SH3RF2: variants seen among roughly 807,000 people sequenced by gnomAD.
SH3RF2 encodes the protein SH3 domain containing ring finger 2.
SH3RF2 carries 43 observed loss-of-function variants against 59.0 expected under a neutral mutation model. The observed-to-expected ratio is 0.73, with a 90% CI of 0.57 to 0.94. The LOEUF (loss-of-function observed/expected upper bound fraction) is 0.94. SH3RF2 is among the 40% of genes least tolerant of loss of function. The pLI, the probability that SH3RF2 is intolerant of heterozygous loss-of-function variation, is 0.00. For synonymous variants in SH3RF2, 391 were observed against 391.5 expected, an observed-to-expected ratio of 1.00 and a Z score of 0.01; for missense variants, 930 against 940.1, an observed-to-expected ratio of 0.99 and a Z score of 0.14.
chr5:145,985,963 T>C (rs1399982986), intron 2 of SH3RF2, among the ~76,000 whole-genome samples: 1 of 151,916 alleles, frequency 6.6e-6, no homozygotes, highest in African/African-American at 2.4e-5. Flanking sequence ...ATGATTGCAC[T>C]GCTGCACTCC....
chr5:145,983,309 C>A (rs1171787006), intron 2 of SH3RF2, among the ~76,000 whole-genome samples: 2 of 150,014 alleles, frequency 1.3e-5, no homozygotes, highest in African/African-American at 4.9e-5. Context: ...CGAAAACCAG[C>A]ATTTACTGAG....
At chr5:146,071,529 A>G (rs1386944673) in intron 9 of SH3RF2, among the ~76,000 whole-genome samples, 1 of 152,188 alleles carries the variant, frequency 6.6e-6, no homozygotes, top group Non-Finnish European at 1.5e-5. Flanking sequence ...TTGTTTTTAG[A>G]TGTTGGCAAG....
intron 4 of SH3RF2, among the ~76,000 whole-genome samples, chr5:146,005,514 A>G (rs1279786065): frequency 6.6e-6 from 1 of 152,196 alleles, no homozygotes; most frequent in Admixed American, 6.5e-5. Flanking sequence ...AGCATTGCAC[A>G]GCTTTCAGGG....
chr5:146,024,356 A>G (rs1761449957), intron 5 of SH3RF2, among the ~76,000 whole-genome samples: 1 of 152,158 alleles, frequency 6.6e-6, no homozygotes, highest in African/African-American at 2.4e-5. Flanking sequence ...TCATGCGTTT[A>G]TAGTGCATGT....
At chr5:145,956,568 G>A (rs999946340) in intron 2 of SH3RF2, among the ~76,000 whole-genome samples, 4 of 152,186 alleles carry the variant, frequency 2.6e-5, no homozygotes, top group African/African-American at 9.6e-5. Flanking sequence ...GAGACACTGC[G>A]CCTGGCCATC....
At chr5:145,948,409 T>A (rs897025649) in intron 2 of SH3RF2, among the ~76,000 whole-genome samples, 2 of 152,200 alleles carry the variant, frequency 1.3e-5, no homozygotes, top group African/African-American at 4.8e-5. Context: ...CCTGGCCTCA[T>A]GGCCCCAACA....
intron 9 of SH3RF2, among the ~76,000 whole-genome samples, chr5:146,071,895 A>T (rs1054708243): frequency 7.2e-5 from 11 of 152,248 alleles, no homozygotes; most frequent in Non-Finnish European, 1.5e-4. Flanking sequence ...TTGGGTACAT[A>T]GAATTGTTCA....
At chr5:146,012,552 G>A (rs1176763957) in intron 4 of SH3RF2, among the ~76,000 whole-genome samples, 1 of 152,130 alleles carries the variant, frequency 6.6e-6, no homozygotes, top group Non-Finnish European at 1.5e-5. Context: ...CCTGTTATTG[G>A]TCTATTCAGG....
rs762638282 is a variant in SH3RF2, at chr5:146,014,079, G to A, written c.1059+18G>A. On this transcript the variant is annotated intron_variant, in intron 5 of 9. Transcript: ENST00000359120. ...TGGGACAGGTAGGGAAGAAACGCCT[G>A]GGATGAGGGCACTTTGGAGTTGGGC... 17 of 1,609,310 alleles carry A rather than the reference G, an allele frequency of 1.1e-5. No individual in the cohort carries two copies. Among genetic ancestry groups the A allele is most frequent in the Non-Finnish European group, 1.3e-5 (15 of 1,178,946 alleles).
chr5:145,999,959 C>A, intron 2 of SH3RF2, 99 bp from the exon 3 acceptor site: 2 of 1,418,498 alleles, frequency 1.4e-6, no homozygotes, highest in Non-Finnish European at 1.9e-6. Flanking sequence ...ATTTGCAAAG[C>A]ATGTTAAAGC....
At chr5:145,957,692 A>G (rs1758467555) in intron 2 of SH3RF2, among the ~76,000 whole-genome samples, 1 of 152,062 alleles carries the variant, frequency 6.6e-6, no homozygotes, top group Non-Finnish European at 1.5e-5. Flanking sequence ...CTATACTATA[A>G]CATTAAAAAA....
At chr5:146,068,246 T>C (rs918936941), downstream of SH3RF2, among the ~76,000 whole-genome samples, 2 of 152,136 alleles carry the variant, frequency 1.3e-5, no homozygotes, top group African/African-American at 4.8e-5. Flanking sequence ...CAAGCATCCA[T>C]CCTCATCTTC....
At chr5:146,011,830 G>T (rs2149991821) in intron 4 of SH3RF2, among the ~76,000 whole-genome samples, 1 of 152,198 alleles carries the variant, frequency 6.6e-6, no homozygotes, top group Middle Eastern at 3.4e-3. Flanking sequence ...CTGCAAAGAG[G>T]GACAATTTGA....
At chr5:145,941,281 G>T (rs529046843) in intron 2 of SH3RF2, among the ~76,000 whole-genome samples, 23 of 152,288 alleles carry the variant, frequency 1.5e-4, no homozygotes, top group Middle Eastern at 6.8e-3. Context: ...GCCAACCAGT[G>T]TTCTAGGGTG....
intron 2 of SH3RF2, among the ~76,000 whole-genome samples, chr5:145,978,707 AC>A (rs1416354947): frequency 6.6e-6 from 1 of 152,038 alleles, no homozygotes; most frequent in African/African-American, 2.4e-5. Context: ...AAGAAAAAAA[AC>A]ACCTCTAAAT....
At position 146,060,122 on chromosome 5, in the gene SH3RF2, C is replaced by T. The variant is rs1320626562; in HGVS notation, c.1812C>T (p.Asp604=). 6.2e-7 allele frequency: 1 copy of T among 1,614,178 alleles called. No individual in the cohort carries two copies. The highest frequency in any genetic ancestry group is 2.2e-5 in the East Asian group (1 of 44,882). ...HSAASSLIME[D]KEIPIKSEPL... ...CGGCCAGCTCCCTCATTATGGAAGA[C>T]AAAGAAATCCCCATCAAGAGTGAGC... Residue 604 remains aspartate, a synonymous_variant, in exon 9 of 10, where the codon GAC becomes GAT. Transcript: ENST00000359120.
chr5:145,981,706 T>A (rs1350745223), intron 2 of SH3RF2, among the ~76,000 whole-genome samples: 1 of 152,240 alleles, frequency 6.6e-6, no homozygotes, highest in Admixed American at 6.5e-5. Flanking sequence ...ACTAGCCACA[T>A]GCAGCTCTTC....
chr5:145,958,359 G>A (rs904798611), intron 2 of SH3RF2, among the ~76,000 whole-genome samples: 29 of 152,158 alleles, frequency 1.9e-4, no homozygotes, highest in African/African-American at 7.0e-4. Context: ...TTGAGGTGCA[G>A]TCAGGCCAAT....
At chr5:145,947,136 T>C (rs12652772) in intron 2 of SH3RF2, among the ~76,000 whole-genome samples, 14,961 of 149,658 alleles carry the variant, frequency 0.1, 1,048 homozygotes, top group East Asian at 0.27. Flanking sequence ...ACAATAACTT[T>C]CCATTCTGTC....
Sources: allele counts gnomAD v4.1 joint callset (sites outside exome capture counted in the v4.1 genomes callset), GRCh38; gene constraint gnomAD v4.1.1; transcripts MANE v1.5; gene names NCBI Gene and HGNC (gene_info 2026-07-23, HGNC 2026-07-21).